Variants in ZBTB16 observed in about 807,000 individuals in gnomAD.
The protein encoded by ZBTB16 is zinc finger and BTB domain-containing protein 16.
ZBTB16 carries 8 observed loss-of-function variants against 56.8 expected under a neutral mutation model. That is an observed-to-expected ratio of 0.14 (90% CI 0.08 to 0.25). ZBTB16 has a LOEUF of 0.25. ZBTB16 is among the 10% of genes least tolerant of loss of function. The probability of loss-of-function intolerance (pLI) is 1.00; values close to 1 mark genes in which losing one functional copy is unlikely to be tolerated. For missense variants in ZBTB16, 625 were observed against 903.0 expected, an observed-to-expected ratio of 0.69 and a Z score of 3.95; for synonymous variants, 363 against 368.5, an observed-to-expected ratio of 0.98 and a Z score of 0.17.
chr11:114,125,910 C>G (rs1941496167), intron 2 of ZBTB16, among the ~76,000 whole-genome samples: 1 of 152,198 alleles, frequency 6.6e-6, no homozygotes, highest in Non-Finnish European at 1.5e-5. Context: ...AGCAAAGCAG[C>G]CTTCTCCTGA....
intron 5 of ZBTB16, among the ~76,000 whole-genome samples, chr11:114,243,965 G>C (rs1321552255): frequency 2.0e-5 from 3 of 152,162 alleles, no homozygotes; most frequent in Non-Finnish European, 4.4e-5. Context: ...AGAAGCCCTT[G>C]CTTATTCTAG....
In ZBTB16 at chr11:114,071,708, A is replaced by C. The variant is rs1939354064; in HGVS notation, c.1268+7140A>C. Among the ~76,000 whole-genome samples the C allele has an allele frequency of 2.0e-5, 3 of 152,262 alleles. No individual in the cohort carries two copies. The South Asian group carries it at 6.2e-4, about 32-fold the overall frequency. On this transcript the variant is annotated intron_variant, in intron 2 of 6. Transcript: ENST00000335953. ...AGGTGTGCCTCAGTTTGTCCATTGG[A>C]GGGTTTCTGAATTTTCCATAACTAA...
At chr11:114,239,871 G>A (rs1944667042) in intron 4 of ZBTB16, among the ~76,000 whole-genome samples, 1 of 152,194 alleles carries the variant, frequency 6.6e-6, no homozygotes, top group Admixed American at 6.5e-5. Context: ...GTTTCTGAAA[G>A]ACAAACCGAG....
intron 2 of ZBTB16, among the ~76,000 whole-genome samples, chr11:114,132,054 G>C (rs1227985678): frequency 1.3e-5 from 2 of 151,828 alleles, no homozygotes; most frequent in African/African-American, 4.8e-5. Flanking sequence ...CCTCCTTTAT[G>C]ACAGTAAAAA....
intron 2 of ZBTB16, among the ~76,000 whole-genome samples, chr11:114,078,228 G>C (rs920001426): frequency 3.3e-5 from 5 of 152,150 alleles, no homozygotes; most frequent in African/African-American, 1.2e-4. Context: ...TCATCAAGTG[G>C]GTTGCCTATG....
intron 3 of ZBTB16, among the ~76,000 whole-genome samples, chr11:114,160,507 T>C (rs1389568039): frequency 6.6e-6 from 1 of 152,220 alleles, no homozygotes; most frequent in Non-Finnish European, 1.5e-5. Flanking sequence ...TTTCAGTGAC[T>C]AGAATACTAA....
rs144142884 is a variant in ZBTB16 at position 114,223,570 on chromosome 11, G to A, written c.1454-18597G>A. Among the ~76,000 whole-genome samples, 218 of 152,130 alleles carry A rather than the reference G, an allele frequency of 1.4e-3. 1 individual carries two copies. The highest frequency in any genetic ancestry group is 5.0e-3 in the African/African-American group (209 of 41,502). On this transcript the variant is annotated intron_variant, in intron 4 of 6. Coordinates refer to ENST00000335953, the MANE Select transcript of ZBTB16 (RefSeq NM_006006.6). ...TATTTATTTGTTTATTAATTCATTC[G>A]GTAAATATTTATTGAACACCCATTC...
chr11:114,256,031 TTTTG>T lies in ZBTB16; in HGVS notation c.*5480_*5483del, dbSNP rs1298080163. Among the ~76,000 whole-genome samples the T allele has an allele frequency of 6.3e-4, 76 of 119,876 alleles. No homozygotes were observed. In the South Asian group the frequency reaches 0.021, roughly 34 times the overall value. 78.6% of individuals were successfully genotyped at this position (119,876 alleles called of 152,430 possible). A position where few individuals can be genotyped will look rare whatever the true frequency, so the allele number is the denominator to read the frequency against. On this transcript the variant is annotated 3_prime_UTR_variant, in exon 7 of 7. Coordinates refer to ENST00000335953, the MANE Select transcript of ZBTB16 (RefSeq NM_006006.6). ...TACTTGGTTTTGTTTTGTTTTTTTTTTTTGTTTTTTTTGCCTTTTCTTGTGTGGG... is the reference window on the plus strand; with the variant it reads ...TACTTGGTTTTGTTTTGTTTTTTTTTTTTTTTTTGCCTTTTCTTGTGTGGG...
intron 2 of ZBTB16, among the ~76,000 whole-genome samples, chr11:114,065,829 C>T (rs1424096216): frequency 4.6e-5 from 7 of 152,202 alleles, no homozygotes; most frequent in Admixed American, 3.3e-4. Flanking sequence ...TCCTTACCCC[C>T]TGGTACTTTG....
chr11:114,199,818 G>A (rs1591774751), intron 4 of ZBTB16, among the ~76,000 whole-genome samples: 1 of 152,256 alleles, frequency 6.6e-6, no homozygotes. Flanking sequence ...AATGGTTGCT[G>A]TAAGAACTAC....
At chr11:114,149,169 C>G (rs1311896956) in intron 2 of ZBTB16, among the ~76,000 whole-genome samples, 1 of 152,118 alleles carries the variant, frequency 6.6e-6, no homozygotes, top group Non-Finnish European at 1.5e-5. Flanking sequence ...CTAGCTCAAC[C>G]TTTGCATTGT....
intron 2 of ZBTB16, among the ~76,000 whole-genome samples, chr11:114,110,149 T>A (rs1327976732): frequency 1.3e-5 from 2 of 152,126 alleles, no homozygotes; most frequent in East Asian, 3.9e-4. Context: ...GTGGAGCCCC[T>A]CATGTCATGG....
At chr11:114,095,210 G>A (rs978747588) in intron 2 of ZBTB16, among the ~76,000 whole-genome samples, 5 of 141,948 alleles carry the variant, frequency 3.5e-5, no homozygotes, top group South Asian at 2.2e-4. Context: ...CCACAGTGTC[G>A]TGTCTTATGT....
At chr11:114,088,140 C>CT (rs10695166) in intron 2 of ZBTB16, among the ~76,000 whole-genome samples, 3,666 of 123,022 alleles carry the variant, frequency 0.03, 212 homozygotes, top group African/African-American at 0.099. Flanking sequence ...CCAGATACTT[C>CT]TTTTTTTTTT....
chr11:114,240,473 C>T (rs1174603814), intron 4 of ZBTB16, among the ~76,000 whole-genome samples: 1 of 143,796 alleles, frequency 7.0e-6, no homozygotes, highest in Non-Finnish European at 1.5e-5. Context: ...CCACTCTGGA[C>T]TGGACTGACA....
intron 3 of ZBTB16, among the ~76,000 whole-genome samples, chr11:114,175,997 G>T (rs1943102758): frequency 6.6e-6 from 1 of 151,540 alleles, no homozygotes. Context: ...GTGTGTGTGT[G>T]TGTGCGTGCG....
chr11:114,173,325 G>T (rs1028780339), intron 3 of ZBTB16, among the ~76,000 whole-genome samples: 1 of 152,152 alleles, frequency 6.6e-6, no homozygotes, highest in Admixed American at 6.5e-5. Context: ...TGGCAGCATC[G>T]AGGTGCCACT....
At chr11:114,155,403 T>G (rs1384802579) in intron 2 of ZBTB16, among the ~76,000 whole-genome samples, 1 of 152,200 alleles carries the variant, frequency 6.6e-6, no homozygotes, top group East Asian at 1.9e-4. Flanking sequence ...TCCCTGCATC[T>G]TACCAGCTCC....
At chr11:114,159,935 G>GAC (rs1942529755) in intron 3 of ZBTB16, among the ~76,000 whole-genome samples, 1 of 142,940 alleles carries the variant, frequency 7.0e-6, no homozygotes, top group Non-Finnish European at 1.5e-5. Flanking sequence ...GGGCGGGGGA[G>GAC]GCGGGGGGGA....
Sources: allele counts gnomAD v4.1 joint callset (sites outside exome capture counted in the v4.1 genomes callset), GRCh38; gene constraint gnomAD v4.1.1; transcripts MANE v1.5; gene names NCBI Gene and HGNC (gene_info 2026-07-23, HGNC 2026-07-21).